Variants in UBE2U observed in about 807,000 individuals in gnomAD.
UBE2U encodes the protein ubiquitin conjugating enzyme E2 U, also known as ubiquitin-conjugating enzyme E2 U.
In UBE2U, 39 loss-of-function variants were observed where a neutral mutation model predicts 41.2. That is an observed-to-expected ratio of 0.95 (90% CI 0.73 to 1.24). UBE2U has a LOEUF of 1.24. Among genes scored for constraint, UBE2U ranks in the 50% most tolerant of loss-of-function variants. The probability of loss-of-function intolerance (pLI) is 0.00; values close to 1 mark genes in which losing one functional copy is unlikely to be tolerated. For synonymous variants in UBE2U, 107 were observed against 117.8 expected (o/e 0.91, Z 0.60); for missense variants, 336 against 363.1 (o/e 0.93, Z 0.61).
At chr1:64,205,372 A>G (rs979099769) in intron 1 of UBE2U, among the ~76,000 whole-genome samples, 5 of 152,206 alleles carry the variant, frequency 3.3e-5, no homozygotes, top group African/African-American at 1.2e-4. Flanking sequence ...TATAAGCCAC[A>G]CATTCTAATC....
chr1:64,258,970 C>G (rs539813443), intron 8 of UBE2U, among the ~76,000 whole-genome samples: 2 of 152,226 alleles, frequency 1.3e-5, no homozygotes, highest in Admixed American at 6.5e-5. Context: ...TCCCCACATC[C>G]TCTCCAACAT....
chr1:64,239,170 AAGAAGAAG>A (rs1302750280), intron 7 of UBE2U, among the ~76,000 whole-genome samples: 1 of 91,978 alleles, frequency 1.1e-5, no homozygotes, highest in South Asian at 4.3e-4. Flanking sequence ...GAAGAAGAAG[AAGAAGAAG>A]AAGAAGAAGA....
intron 8 of UBE2U, chr1:64,244,093 T>C (rs1023541208): frequency 1.3e-6 from 2 of 1,488,092 alleles, no homozygotes; most frequent in Admixed American, 1.7e-5. Flanking sequence ...TTATTCATGC[T>C]TTTAAAACTT....
At chr1:64,265,731 A>G (rs1313432829) in intron 9 of UBE2U, among the ~76,000 whole-genome samples, 1 of 152,104 alleles carries the variant, frequency 6.6e-6, no homozygotes, top group East Asian at 1.9e-4. Context: ...GGCTCCTGCC[A>G]CCACACCCGG....
chr1:64,223,218 A>G (rs990813672), intron 6 of UBE2U, among the ~76,000 whole-genome samples: 1 of 152,192 alleles, frequency 6.6e-6, no homozygotes, highest in African/African-American at 2.4e-5. Context: ...ATATTCTAGC[A>G]TTGGAAGCCC....
At chr1:64,217,338 T>C (rs1019693168) in intron 5 of UBE2U, among the ~76,000 whole-genome samples, 4 of 152,202 alleles carry the variant, frequency 2.6e-5, no homozygotes, top group Non-Finnish European at 5.9e-5. Context: ...TCAACTAGTT[T>C]ATGAAAACTC....
chr1:64,213,429 T>A (rs1422123259), intron 4 of UBE2U, among the ~76,000 whole-genome samples: 1 of 152,204 alleles, frequency 6.6e-6, no homozygotes, highest in African/African-American at 2.4e-5. Context: ...CTTTTCTGAT[T>A]TATTTTCCTA....
chr1:64,260,780 G>A, intron 9 of UBE2U, 86 bp downstream of exon 9: 1 of 1,090,888 alleles, frequency 9.2e-7, no homozygotes, highest in Non-Finnish European at 1.3e-6. Flanking sequence ...TTCCATTTAA[G>A]TAAGTTGGAA....
intron 8 of UBE2U, among the ~76,000 whole-genome samples, chr1:64,258,528 G>A (rs1570151150): frequency 6.9e-6 from 1 of 145,272 alleles, no homozygotes; most frequent in East Asian, 2.1e-4. Context: ...GTGTCCAGTT[G>A]TTCTCATTGT....
At chr1:64,221,029 C>G in intron 6 of UBE2U, 122 bp downstream of exon 6, 1 of 641,020 alleles carries the variant, frequency 1.6e-6, no homozygotes, top group Non-Finnish European at 2.5e-6. Context: ...CTTATAATAT[C>G]TTTTTAAAAT....
intron 9 of UBE2U, among the ~76,000 whole-genome samples, chr1:64,263,003 A>G (rs1333770310): frequency 2.6e-5 from 4 of 151,906 alleles, no homozygotes; most frequent in Admixed American, 6.6e-5. Context: ...TAAAATTGTC[A>G]TGTTTTTATC....
chr1:64,239,830 C>T (rs899034454), intron 7 of UBE2U, among the ~76,000 whole-genome samples: 3 of 151,980 alleles, frequency 2.0e-5, no homozygotes, highest in African/African-American at 2.4e-5. Context: ...AGTAAACATA[C>T]GTGTGCATGT....
chr1:64,262,515 T>C (rs705543), intron 9 of UBE2U, among the ~76,000 whole-genome samples: 2,212 of 152,172 alleles, frequency 0.015, 52 homozygotes, highest in African/African-American at 0.051. Flanking sequence ...TTTTCTTCTG[T>C]CTTTAGGAAT....
intron 5 of UBE2U, among the ~76,000 whole-genome samples, chr1:64,219,610 A>G (rs1437216987): frequency 2.1e-5 from 3 of 142,864 alleles, no homozygotes; most frequent in Admixed American, 1.4e-4. Context: ...TTTTAGACGG[A>G]GTCTCACTCT....
intron 7 of UBE2U, among the ~76,000 whole-genome samples, chr1:64,237,097 C>T (rs1644680411): frequency 6.6e-6 from 1 of 152,170 alleles, no homozygotes; most frequent in African/African-American, 2.4e-5. Flanking sequence ...AAGGTAGTCA[C>T]TTAACTGTTT....
intron 7 of UBE2U, among the ~76,000 whole-genome samples, chr1:64,239,145 A>AAGGAGAAGGAGAAGGAGAAGGAGAAGG (rs1557730665): frequency 4.0e-5 from 1 of 25,130 alleles, no homozygotes; most frequent in African/African-American, 2.0e-4. Flanking sequence ...GAAGAAGAAG[A>AAGGAGAAGGAGAAGGAGAAGGAGAAGG]AGAAGAAGAA....
chr1:64,265,182 C>A (rs1302317414), intron 9 of UBE2U, among the ~76,000 whole-genome samples: 1 of 152,086 alleles, frequency 6.6e-6, no homozygotes, highest in East Asian at 1.9e-4. Flanking sequence ...CCTCAGTTAG[C>A]AAAGCAAGCA....
chr1:64,219,946 G>T (rs1308823796), intron 5 of UBE2U, among the ~76,000 whole-genome samples: 1 of 152,030 alleles, frequency 6.6e-6, no homozygotes, highest in Non-Finnish European at 1.5e-5. Flanking sequence ...CCATCTCTTT[G>T]TTCGTTGTAT....
chr1:64,255,855 C>T (rs1025847893), intron 8 of UBE2U, among the ~76,000 whole-genome samples: 22 of 150,562 alleles, frequency 1.5e-4, no homozygotes, highest in Non-Finnish European at 2.6e-4. Context: ...ATACCATGAT[C>T]CTATGTCTAG....
Sources: gnomAD v4.1 joint callset for allele counts (sites outside exome capture counted in the v4.1 genomes callset) on GRCh38, gnomAD v4.1.1 for gene constraint, MANE v1.5 for transcripts, NCBI Gene and HGNC (gene_info 2026-07-23, HGNC 2026-07-21) for gene names.